CDC27: variants seen among roughly 807,000 people sequenced by gnomAD.
The protein encoded by CDC27 is cell division cycle protein 27 homolog.
A neutral mutation model predicts 109.7 loss-of-function variants in CDC27; 27 were observed. That is an observed-to-expected ratio of 0.25 (90% CI 0.18 to 0.34). The LOEUF (loss-of-function observed/expected upper bound fraction) is 0.34, where lower values mean the gene tolerates loss of function less well. Among genes scored for constraint, CDC27 ranks in the 10% least tolerant of loss-of-function variants. CDC27 has a pLI of 1.00. For synonymous variants in CDC27, 266 were observed against 333.9 expected, an observed-to-expected ratio of 0.80 and a Z score of 2.22; for missense variants, 579 against 960.2, an observed-to-expected ratio of 0.60 and a Z score of 5.25.
chr17:47,168,581 AAT>A (rs1281701725), intron 4 of CDC27, among the ~76,000 whole-genome samples: 1 of 152,132 alleles, frequency 6.6e-6, no homozygotes, highest in Non-Finnish European at 1.5e-5. Context: ...GTTTAGCTAT[AAT>A]GGAAATGAAT....
chr17:47,183,523 T>A (rs2064319339), intron 1 of CDC27, among the ~76,000 whole-genome samples: 1 of 152,198 alleles, frequency 6.6e-6, no homozygotes, highest in South Asian at 2.1e-4. Context: ...TTTATATAGC[T>A]TAAATTTTAT....
intron 4 of CDC27, among the ~76,000 whole-genome samples, chr17:47,160,609 A>C (rs536302309): frequency 2.8e-4 from 42 of 152,304 alleles, no homozygotes; most frequent in Non-Finnish European, 4.4e-4. Context: ...AAAAAATACA[A>C]CTTACCTGGT....
At chr17:47,168,963 CAG>C (rs1297650933) in intron 4 of CDC27, among the ~76,000 whole-genome samples, 1 of 150,898 alleles carries the variant, frequency 6.6e-6, no homozygotes. Context: ...TTCCCATGGG[CAG>C]AGTTACTTGT....
Position 47,189,238 on chromosome 17 carries a change from A to G in CDC27, c.-66T>C. 7.8e-7 allele frequency: 1 copy of G among 1,284,408 alleles called. No homozygotes were observed. Among genetic ancestry groups the G allele is most frequent in the Non-Finnish European group, 1.1e-6 (1 of 881,336 alleles). 79.6% of individuals were successfully genotyped at this position (1,284,408 alleles called of 1,614,324 possible). A position where few individuals can be genotyped will look rare whatever the true frequency, so the allele number is the denominator to read the frequency against. ...CCCCTGTAGCGGCTCCGGCCCGGCC[A>G]GCCCCTGCTCATTTAAACTCACCAG... On this transcript the variant is annotated 5_prime_UTR_variant, in exon 1 of 19. Coordinates refer to ENST00000066544, the MANE Select transcript of CDC27 (RefSeq NM_001256.6).
At chr17:47,186,906 T>G (rs565803307) in intron 1 of CDC27, among the ~76,000 whole-genome samples, 1 of 152,278 alleles carries the variant, frequency 6.6e-6, no homozygotes, top group East Asian at 1.9e-4. Context: ...TCTGTCATCA[T>G]AGTTTTTTTT....
At chr17:47,177,131 C>T (rs1297936901) in intron 2 of CDC27, among the ~76,000 whole-genome samples, 2 of 152,108 alleles carry the variant, frequency 1.3e-5, no homozygotes, top group South Asian at 2.1e-4. Context: ...AACGATTTTA[C>T]GGTCATTTAA....
chr17:47,173,688 T>C (rs1286358636), intron 2 of CDC27, among the ~76,000 whole-genome samples: 1 of 150,604 alleles, frequency 6.6e-6, no homozygotes, highest in African/African-American at 2.4e-5. Context: ...TGTGTGTACA[T>C]GTGCGTGTGT....
At chr17:47,173,909 A>T (rs978114065) in intron 2 of CDC27, among the ~76,000 whole-genome samples, 1 of 152,172 alleles carries the variant, frequency 6.6e-6, no homozygotes, top group Non-Finnish European at 1.5e-5. Context: ...CCTGGCCAAC[A>T]TGGCGAAACC....
intron 2 of CDC27, among the ~76,000 whole-genome samples, chr17:47,173,877 G>A (rs1274712070): frequency 6.6e-6 from 1 of 152,246 alleles, no homozygotes; most frequent in Non-Finnish European, 1.5e-5. Context: ...CAGATCACCT[G>A]AGGTCAGGAA....
At chr17:47,168,686 A>G (rs918430961) in intron 4 of CDC27, among the ~76,000 whole-genome samples, 2 of 152,138 alleles carry the variant, frequency 1.3e-5, no homozygotes, top group Non-Finnish European at 2.9e-5. Flanking sequence ...ATATATTGAT[A>G]TTATGTCTTT....
At chr17:47,183,882 A>C (rs1466149460) in intron 1 of CDC27, among the ~76,000 whole-genome samples, 1 of 152,220 alleles carries the variant, frequency 6.6e-6, no homozygotes, top group Non-Finnish European at 1.5e-5. Flanking sequence ...CTTAGCATTA[A>C]GTTTCTTTGT....
chr17:47,176,689 G>A (rs1387599312), intron 2 of CDC27, among the ~76,000 whole-genome samples: 1 of 152,142 alleles, frequency 6.6e-6, no homozygotes, highest in Non-Finnish European at 1.5e-5. Flanking sequence ...ATTTGGGAGG[G>A]GAAAAGGAAC....
At chr17:47,156,232 G>T (rs187998130) in intron 7 of CDC27, among the ~76,000 whole-genome samples, 1 of 151,984 alleles carries the variant, frequency 6.6e-6, no homozygotes, top group East Asian at 1.9e-4. Flanking sequence ...TCTGTCTCCC[G>T]GGTTCAAGTG....
rs1555560988 is a variant in CDC27, at chr17:47,180,945, T to TCAAAAAA, written c.103+616_103+617insTTTTTTG. On this transcript the variant is annotated intron_variant, in intron 2 of 18. Transcript: ENST00000066544. ...CACCATAGAATACAGACTCTTTTCT[T>TCAAAAAA]AAAAAAAAAAAAAAAAAAAAAAAAT... Among the ~76,000 whole-genome samples, 368 of 111,646 alleles carry TCAAAAAA rather than the reference T, an allele frequency of 3.3e-3. 4 individuals are homozygous for TCAAAAAA. The highest frequency in any genetic ancestry group is 7.0e-3 in the African/African-American group (203 of 28,896). 73.2% of individuals were successfully genotyped at this position (111,646 alleles called of 152,430 possible).
chr17:47,134,851 C>G lies in CDC27; in HGVS notation c.1913+2301G>C, dbSNP rs551978471. ...TGTTGACCAGGCTGGTCTCAAACTC[C>G]TGGTCTCAAGTAATCTTCCAGCTTC... On this transcript the variant is annotated intron_variant, in intron 14 of 18. Coordinates refer to ENST00000066544, the MANE Select transcript of CDC27 (RefSeq NM_001256.6). Among the ~76,000 whole-genome samples the G allele has an allele frequency of 8.7e-5, 13 of 149,998 alleles. No homozygotes were observed. In the East Asian group the frequency reaches 2.3e-3, roughly 27 times the overall value.
intron 2 of CDC27, among the ~76,000 whole-genome samples, chr17:47,177,008 C>T (rs532631001): frequency 2.6e-5 from 4 of 152,164 alleles, no homozygotes; most frequent in Admixed American, 1.3e-4. Flanking sequence ...AGATGCTGAA[C>T]GTTTTACTCT....
chr17:47,155,733 T>C (rs1368197079), intron 7 of CDC27, among the ~76,000 whole-genome samples: 4 of 152,234 alleles, frequency 2.6e-5, no homozygotes, highest in Middle Eastern at 3.4e-3. Flanking sequence ...GGAGGATCAC[T>C]AGAGGCCAGG....
chr17:47,130,975 T>C (rs1285552652), intron 15 of CDC27, among the ~76,000 whole-genome samples: 3 of 152,020 alleles, frequency 2.0e-5, no homozygotes, highest in Non-Finnish European at 2.9e-5. Flanking sequence ...AATGTGAGAA[T>C]AGGTAGTGCC....
chr17:47,153,747 T>G (rs934933182), intron 8 of CDC27, among the ~76,000 whole-genome samples: 9 of 152,258 alleles, frequency 5.9e-5, no homozygotes, highest in Admixed American at 4.6e-4. Context: ...AAAAATGGTA[T>G]TTTGGCCTCT....
Sources: gnomAD v4.1 joint callset for allele counts (sites outside exome capture counted in the v4.1 genomes callset) on GRCh38, gnomAD v4.1.1 for gene constraint, MANE v1.5 for transcripts, NCBI Gene and HGNC (gene_info 2026-07-23, HGNC 2026-07-21) for gene names.